The following TNS1 variants were observed in gnomAD, a reference collection of about 807,000 sequenced individuals.
TNS1 encodes the protein tensin 1.
TNS1 carries 62 observed loss-of-function variants against 168.6 expected under a neutral mutation model. The observed-to-expected ratio is 0.37, with a 90% CI of 0.30 to 0.45. The LOEUF (loss-of-function observed/expected upper bound fraction) is 0.45. Among genes scored for constraint, TNS1 ranks in the 20% least tolerant of loss-of-function variants. The pLI is 1.00. For synonymous variants in TNS1, 934 were observed against 933.2 expected (o/e 1.00, Z -0.02); for missense variants, 2,240 against 2,339.4 (o/e 0.96, Z 0.88).
Position 217,978,686 on chromosome 2 carries a change from G to C in TNS1, c.186+79C>G, listed in dbSNP as rs1957956559. 5 of 655,302 alleles carry C rather than the reference G, an allele frequency of 7.6e-6. No individual in the cohort carries two copies. The South Asian group carries it at 7.7e-5, about 10-fold the overall frequency. The allele number at this position is 655,302 out of a possible 1,614,324, so 40.6% of individuals were successfully genotyped here. A position where few individuals can be genotyped will look rare whatever the true frequency, so the allele number is the denominator to read the frequency against. On this transcript the variant is annotated intron_variant, in intron 3 of 32. Transcript: ENST00000682258. Reference sequence around the variant, plus strand: ...CCCCGGGCACCGCCCCCGCCCCGCCGGCGCCCCCGCTCCAATCTGGGACCC... The same window carrying C: ...CCCCGGGCACCGCCCCCGCCCCGCCCGCGCCCCCGCTCCAATCTGGGACCC...
At chr2:217,887,458 G>A (rs1164990231) in intron 12 of TNS1, among the ~76,000 whole-genome samples, 3 of 152,200 alleles carry the variant, frequency 2.0e-5, no homozygotes, top group South Asian at 2.1e-4. Context: ...ACAGGCATGC[G>A]CCACCATGCC....
chr2:217,899,237 C>T (rs1348438722), intron 7 of TNS1, among the ~76,000 whole-genome samples: 2 of 152,268 alleles, frequency 1.3e-5, no homozygotes, highest in Middle Eastern at 3.4e-3. Context: ...TGACAGGGGC[C>T]TGAGTGGGAC....
intron 4 of TNS1, among the ~76,000 whole-genome samples, chr2:217,914,743 C>T (rs1379688914): frequency 2.0e-5 from 3 of 152,208 alleles, no homozygotes; most frequent in Non-Finnish European, 4.4e-5. Flanking sequence ...CTCAGCATCC[C>T]AAAGTGCTGG....
At chr2:217,879,211 G>T in intron 18 of TNS1, 1 of 284,776 alleles carries the variant, frequency 3.5e-6, no homozygotes, top group Non-Finnish European at 7.0e-6. Flanking sequence ...TATTTGCCTG[G>T]CACTTTATAG....
intron 22 of TNS1, among the ~76,000 whole-genome samples, chr2:217,826,174 C>T (rs186463277): frequency 3.3e-5 from 5 of 152,156 alleles, no homozygotes; most frequent in East Asian, 3.9e-4. Context: ...TGGAGATGAA[C>T]GAAGCCCTTC....
intron 19 of TNS1, among the ~76,000 whole-genome samples, chr2:217,838,675 G>A (rs1361731158): frequency 6.6e-6 from 1 of 152,184 alleles, no homozygotes; most frequent in African/African-American, 2.4e-5. Context: ...TGAACACAGT[G>A]TCCCACTGTT....
At chr2:218,001,434 C>A (rs572208355) in intron 1 of TNS1, among the ~76,000 whole-genome samples, 1 of 152,098 alleles carries the variant, frequency 6.6e-6, no homozygotes, top group Admixed American at 6.5e-5. Flanking sequence ...TCTATAGAGC[C>A]CTCTCTCCAG....
In TNS1 at chr2:217,882,392, A is replaced by G. The variant is rs112277516; in HGVS notation, c.1266T>C (p.Tyr422=). The G allele has an allele frequency of 3.1e-6, 5 of 1,605,400 alleles. No homozygotes were observed. The highest frequency in any genetic ancestry group is 1.7e-4 in the Middle Eastern group (1 of 6,054). The part of the protein sequence containing the change: ...DAFKDDRFPE[Y]GKVEFVFSYG... ...AAGAAAATACAAACTCCACTTTGCCATACTCTGGAAATCGATCATCTGGAA... is the reference window on the plus strand; with the variant it reads ...AAGAAAATACAAACTCCACTTTGCCGTACTCTGGAAATCGATCATCTGGAA... Residue 422 remains tyrosine, a synonymous_variant, in exon 17 of 33, where the codon TAT becomes TAC. Transcript: ENST00000682258.
chr2:218,010,194 A>T (rs538986702), exon 1 of TNS1: 121 of 399,070 alleles, frequency 3.0e-4, no homozygotes, highest in Admixed American at 2.1e-3. Flanking sequence ...CAGCCGAGTC[A>T]TGCTGACCCC....
intron 2 of TNS1, 86 bp from the exon 3 acceptor site, chr2:217,978,888 G>A (rs957947679): frequency 5.7e-6 from 4 of 695,746 alleles, no homozygotes; most frequent in South Asian, 4.5e-5. Flanking sequence ...ACCCCAGCCC[G>A]CAATCCGCGC....
At chr2:217,951,502 A>G (rs1957239799) in intron 3 of TNS1, among the ~76,000 whole-genome samples, 1 of 152,226 alleles carries the variant, frequency 6.6e-6, no homozygotes, top group Admixed American at 6.5e-5. Context: ...ACTGAAGTTC[A>G]GAGACATCAG....
intron 3 of TNS1, among the ~76,000 whole-genome samples, chr2:217,921,241 A>ATG (rs1357695808): frequency 6.6e-6 from 1 of 152,184 alleles, no homozygotes; most frequent in Non-Finnish European, 1.5e-5. Context: ...CCTGAACACC[A>ATG]GGCAAGGGGC....
At chr2:217,947,173 C>A (rs1246349775) in intron 3 of TNS1, among the ~76,000 whole-genome samples, 1 of 151,832 alleles carries the variant, frequency 6.6e-6, no homozygotes, top group Non-Finnish European at 1.5e-5. Context: ...CTCCCTCCCA[C>A]CCCAATGCAG....
chr2:217,993,895 T>A (rs1052399664), intron 1 of TNS1, among the ~76,000 whole-genome samples: 3 of 152,240 alleles, frequency 2.0e-5, no homozygotes, highest in African/African-American at 7.2e-5. Flanking sequence ...GGACAAATGT[T>A]CTTTGCACTG....
At chr2:217,850,658 C>G (rs1947364188) in intron 18 of TNS1, 1 of 966,098 alleles carries the variant, frequency 1.0e-6, no homozygotes, top group African/African-American at 1.8e-5. Flanking sequence ...CTAATCCAGG[C>G]TCTCCGTTAG....
At position 217,893,564 on chromosome 2, in the gene TNS1, G is replaced by A; in HGVS notation, c.595-3C>T. 1 of 1,606,884 alleles carries A rather than the reference G, an allele frequency of 6.2e-7. No individual in the cohort carries two copies. Among genetic ancestry groups the A allele is most frequent in the Non-Finnish European group, 8.5e-7 (1 of 1,176,868 alleles). ...TCGGGCCAGCCAAATTCCAGTACCT[G>A]TGGCCCAAGCCATGAGTGAGAAGAG... On this transcript the variant is annotated splice_polypyrimidine_tract_variant and splice_region_variant and intron_variant, in intron 9 of 32. Coordinates refer to ENST00000682258, the MANE Select transcript of TNS1 (RefSeq NM_001387777.1).
intron 10 of TNS1, among the ~76,000 whole-genome samples, 172 bp downstream of exon 10, chr2:217,893,267 C>T (rs1951919222): frequency 6.6e-6 from 1 of 152,224 alleles, no homozygotes; most frequent in African/African-American, 2.4e-5. Flanking sequence ...CCGCCCAAGA[C>T]AGAACCTATT....
chr2:217,957,862 A>AAAAG (rs1356879384), intron 3 of TNS1, among the ~76,000 whole-genome samples: 7 of 141,748 alleles, frequency 4.9e-5, no homozygotes, highest in African/African-American at 2.0e-4. Flanking sequence ...AAAAAAAAAA[A>AAAAG]GGTGGGGAGA....
intron 28 of TNS1, among the ~76,000 whole-genome samples, chr2:217,811,270 A>G (rs1940847187): frequency 6.6e-6 from 1 of 150,680 alleles, no homozygotes; most frequent in Non-Finnish European, 1.5e-5. Flanking sequence ...TACAATCTAA[A>G]TATTAAACAG....
Sources: allele counts gnomAD v4.1 joint callset (sites outside exome capture counted in the v4.1 genomes callset), GRCh38; gene constraint gnomAD v4.1.1; transcripts MANE v1.5; gene names NCBI Gene and HGNC (gene_info 2026-07-23, HGNC 2026-07-21).